Variants in HAVCR2 observed in about 807,000 individuals in gnomAD.
HAVCR2 encodes the protein T cell immunoglobulin mucin 3.
In HAVCR2, 13 loss-of-function variants were observed where a neutral mutation model predicts 24.7. The ratio of observed to expected loss-of-function variants is 0.53; its 90% confidence interval spans 0.34 to 0.84. The LOEUF (loss-of-function observed/expected upper bound fraction) is 0.84. Ranked by LOEUF, HAVCR2 falls within the 40% of genes least tolerant of loss-of-function variation. The probability of loss-of-function intolerance (pLI) is 0.01; values close to 1 mark genes in which losing one functional copy is unlikely to be tolerated. For synonymous variants in HAVCR2, 154 were observed against 143.4 expected (o/e 1.07, Z -0.53); for missense variants, 343 against 371.2 (o/e 0.92, Z 0.62).
At chr5:157,108,900 T>C (rs758390359) in intron 1 of HAVCR2, 26 bp downstream of exon 1, 4 of 1,609,702 alleles carry the variant, frequency 2.5e-6, no homozygotes, top group South Asian at 2.2e-5. Flanking sequence ...CATTATGTCA[T>C]TGTAAATATC....
At chr5:157,104,840 A>G in intron 2 of HAVCR2, 91 bp from the exon 3 acceptor site, 2 of 868,044 alleles carry the variant, frequency 2.3e-6, no homozygotes, top group Non-Finnish European at 3.7e-6. Context: ...AAAAATGCGA[A>G]AGACAATTAA....
At chr5:157,095,276 TC>T (rs1757077882) in intron 5 of HAVCR2, 29 bp downstream of exon 5, 2 of 1,608,084 alleles carry the variant, frequency 1.2e-6, no homozygotes, top group Non-Finnish European at 1.7e-6. Context: ...GAATTTGTTA[TC>T]AGAGGGAGAG....
At chr5:157,095,725 A>AG (rs1464789670) in intron 4 of HAVCR2, among the ~76,000 whole-genome samples, 39 of 151,268 alleles carry the variant, frequency 2.6e-4, no homozygotes, top group South Asian at 6.3e-4. Context: ...AAAAAAAAAA[A>AG]AGAGAGAAGG....
chr5:157,088,130 G>A (rs757762841), intron 6 of HAVCR2, among the ~76,000 whole-genome samples: 6 of 152,062 alleles, frequency 3.9e-5, no homozygotes, highest in Non-Finnish European at 8.8e-5. Context: ...GGCTGGTCTT[G>A]AACTCCTGGG....
At chr5:157,104,201 G>T (rs1018295331) in intron 3 of HAVCR2, among the ~76,000 whole-genome samples, 16 of 152,172 alleles carry the variant, frequency 1.1e-4, no homozygotes, top group Middle Eastern at 3.2e-3. Flanking sequence ...TGAATTACAT[G>T]AAGAATTTAA....
At chr5:157,096,908 T>A (rs1424938377) in intron 4 of HAVCR2, among the ~76,000 whole-genome samples, 6 of 146,434 alleles carry the variant, frequency 4.1e-5, no homozygotes, top group Admixed American at 7.0e-5. Flanking sequence ...CTAATAATAT[T>A]GAGACCCCAT....
At chr5:157,095,695 A>G (rs1429003856) in intron 4 of HAVCR2, among the ~76,000 whole-genome samples, 1 of 130,002 alleles carries the variant, frequency 7.7e-6, no homozygotes, top group African/African-American at 2.9e-5. Flanking sequence ...TTGTGGGTAG[A>G]GAAGGAGCTC....
intron 4 of HAVCR2, 119 bp from the exon 5 acceptor site, chr5:157,095,578 C>G: frequency 3.8e-6 from 4 of 1,053,966 alleles, no homozygotes; most frequent in Non-Finnish European, 5.6e-6. Context: ...CTGAGTCCTT[C>G]AAATCACCTT....
chr5:157,094,048 T>TC, intron 5 of HAVCR2, among the ~76,000 whole-genome samples: 1 of 151,920 alleles, frequency 6.6e-6, no homozygotes, highest in African/African-American at 2.4e-5. Context: ...CTTCTTTTTT[T>TC]TTTTTTTTTT....
At chr5:157,099,988 G>A (rs966084415) in intron 3 of HAVCR2, among the ~76,000 whole-genome samples, 9 of 152,134 alleles carry the variant, frequency 5.9e-5, no homozygotes, top group Admixed American at 2.0e-4. Context: ...GAGCCACCGT[G>A]CCGTGCCCAG....
chr5:157,098,711 A>G, intron 4 of HAVCR2, 147 bp downstream of exon 4: 1 of 710,790 alleles, frequency 1.4e-6, no homozygotes, highest in South Asian at 1.8e-5. Flanking sequence ...TAGAACTGTC[A>G]TCATCAACAT....
intron 5 of HAVCR2, among the ~76,000 whole-genome samples, chr5:157,090,122 C>CTTTTCT (rs1756975109): frequency 1.5e-5 from 1 of 65,576 alleles, no homozygotes; most frequent in Non-Finnish European, 2.7e-5. Context: ...CTTTTCTTTT[C>CTTTTCT]TTTTTTTTTT....
chr5:157,095,774 C>T (rs1397727783), intron 4 of HAVCR2, among the ~76,000 whole-genome samples: 1 of 150,486 alleles, frequency 6.6e-6, no homozygotes, highest in Non-Finnish European at 1.5e-5. Context: ...CAAAAATTGG[C>T]TTTAGAGTGG....
intron 3 of HAVCR2, among the ~76,000 whole-genome samples, chr5:157,102,702 A>G (rs1243358647): frequency 2.0e-5 from 3 of 152,054 alleles, no homozygotes; most frequent in Non-Finnish European, 4.4e-5. Context: ...TGGGAGGCCG[A>G]GGCAGAGGGA....
intron 5 of HAVCR2, among the ~76,000 whole-genome samples, chr5:157,092,984 CT>C (rs1435624872): frequency 7.0e-6 from 1 of 142,262 alleles, no homozygotes; most frequent in Admixed American, 7.2e-5. Flanking sequence ...ACAAGAATTG[CT>C]TGAACCCAGG....
Position 157,106,627 on chromosome 5 carries a change from C to T in HAVCR2, c.394G>A (p.Ala132Thr), listed in dbSNP as rs1246966884. Residue 132 changes from alanine to threonine, a missense_variant and splice_region_variant, in exon 2 of 7, where the codon GCC becomes ACC. By Grantham distance (58) the Ala-to-Thr change is moderately conservative (BLOSUM62 0). Coordinates refer to ENST00000307851, the MANE Select transcript of HAVCR2 (RefSeq NM_032782.5). ...AGATGGCATGCAAATGTCCACTCAC[C>T]TGGTTTGATGACCAACTTCAGGTTA... ...KFNLKLVIKP[A>T]KVTPAPTRQR... 1 of 1,612,670 alleles carries T rather than the reference C, an allele frequency of 6.2e-7. No homozygotes were observed. Among genetic ancestry groups the T allele is most frequent in the Non-Finnish European group, 8.5e-7 (1 of 1,178,674 alleles).
Position 157,095,322 on chromosome 5 carries a change from G to A in HAVCR2, c.660C>T (p.Gly220=), listed in dbSNP as rs183238604. Residue 220 remains glycine, a synonymous_variant, in exon 5 of 7, where the codon GGC becomes GGT. Transcript: ENST00000307851. ...AACACTTACATTTGAAAATTAAAGC[G>A]CCGAAGATAAGAGCCAGAGCCAGCC... ...CAGLALALIF[G]ALIFKWYSHS... is the part of the protein sequence containing the mutation. 40 of 1,613,640 alleles carry A rather than the reference G, an allele frequency of 2.5e-5. No individual in the cohort carries two copies. The highest frequency in any genetic ancestry group is 1.6e-4 in the East Asian group (7 of 44,862).
At chr5:157,092,913 A>AAAAAAAAAAAAATAAAAAAAT (rs1561619880) in intron 5 of HAVCR2, among the ~76,000 whole-genome samples, 1 of 122,972 alleles carries the variant, frequency 8.1e-6, no homozygotes, top group African/African-American at 3.1e-5. Flanking sequence ...AAAAAAAAAA[A>AAAAAAAAAAAAATAAAAAAAT]AAAAACTAGC....
At chr5:157,093,450 T>A (rs6866356) in intron 5 of HAVCR2, among the ~76,000 whole-genome samples, 5,884 of 152,240 alleles carry the variant, frequency 0.039, 276 homozygotes, top group African/African-American at 0.11. Context: ...ATGTTTTTCT[T>A]GGACTGTTCC....
Sources: gnomAD v4.1 joint callset for allele counts (sites outside exome capture counted in the v4.1 genomes callset) on GRCh38, gnomAD v4.1.1 for gene constraint, MANE v1.5 for transcripts, NCBI Gene and HGNC (gene_info 2026-07-23, HGNC 2026-07-21) for gene names.